The following FRMD4A variants were observed in gnomAD, a reference collection of about 807,000 sequenced individuals.
FRMD4A encodes FERM domain-containing protein 4A.
A neutral mutation model predicts 129.1 loss-of-function variants in FRMD4A; 29 were observed. That is an observed-to-expected ratio of 0.22 (90% CI 0.17 to 0.31). The LOEUF (loss-of-function observed/expected upper bound fraction) is 0.31. Among genes scored for constraint, FRMD4A ranks in the 10% least tolerant of loss-of-function variants. The probability of loss-of-function intolerance (pLI) is 1.00; values close to 1 mark genes in which losing one functional copy is unlikely to be tolerated. For missense variants in FRMD4A, 1,272 were observed against 1,375.8 expected, an observed-to-expected ratio of 0.92 and a Z score of 1.19; for synonymous variants, 634 against 571.6, an observed-to-expected ratio of 1.11 and a Z score of -1.56.
rs146000478 is a variant in FRMD4A at position 13,709,253 on chromosome 10, C to T, written c.760-2140G>A. Among the ~76,000 whole-genome samples, 281 of 152,276 alleles carry T rather than the reference C, an allele frequency of 1.8e-3. 1 individual carries two copies. Among genetic ancestry groups the T allele is most frequent in the Admixed American group, 5.8e-3 (88 of 15,298 alleles). On this transcript the variant is annotated intron_variant, in intron 12 of 24. Transcript: ENST00000357447. The stretch of plus-strand genomic sequence containing the variant: ...TTTTGGGATTACAGGCGTGAGCCAC[C>T]GCACCCAACTCAGGCTCTAAGCTGC...
At position 14,193,230 on chromosome 10, in the gene FRMD4A, G is replaced by A. The variant is rs145503550; in HGVS notation, c.45+136828C>T. Among the ~76,000 whole-genome samples, 361 of 152,236 alleles carry A rather than the reference G, an allele frequency of 2.4e-3. 3 individuals are homozygous for A. The highest frequency in any genetic ancestry group is 8.4e-3 in the African/African-American group (351 of 41,548). On this transcript the variant is annotated intron_variant, in intron 2 of 24. Coordinates refer to ENST00000357447, the MANE Select transcript of FRMD4A (RefSeq NM_018027.5). ...ACTTTACCTTGCTTTCTCCCTGATA[G>A]GTTGCCTCTTAATTAATCAATCCAT...
intron 20 of FRMD4A, 57 bp downstream of exon 20, chr10:13,660,259 G>T: frequency 8.9e-7 from 1 of 1,119,210 alleles, no homozygotes; most frequent in South Asian, 1.3e-5. Context: ...ACGGCCCTTT[G>T]ATTCTTCCAG....
intron 12 of FRMD4A, chr10:13,707,439 C>A (rs992419893): frequency 9.5e-6 from 10 of 1,052,660 alleles, no homozygotes; most frequent in Non-Finnish European, 1.0e-5. Context: ...CTTTTCCCTT[C>A]CAGGAGAGGG....
At chr10:14,271,826 G>A (rs1845172540) in intron 2 of FRMD4A, among the ~76,000 whole-genome samples, 3 of 152,162 alleles carry the variant, frequency 2.0e-5, no homozygotes, top group Admixed American at 1.3e-4. Flanking sequence ...CACGTCATAA[G>A]CACTTAGCTG....
At chr10:13,703,110 C>T (rs2087031321) in intron 13 of FRMD4A, among the ~76,000 whole-genome samples, 1 of 151,744 alleles carries the variant, frequency 6.6e-6, no homozygotes, top group Non-Finnish European at 1.5e-5. Flanking sequence ...TTTTTTTCCC[C>T]CCAGAAAAGC....
intron 12 of FRMD4A, among the ~76,000 whole-genome samples, chr10:13,725,912 C>T (rs1041683155): frequency 8.5e-5 from 13 of 152,200 alleles, no homozygotes; most frequent in Non-Finnish European, 1.0e-4. Flanking sequence ...AATTAGACTA[C>T]ATCTATTCTG....
At chr10:14,243,286 G>A (rs897247738) in intron 2 of FRMD4A, among the ~76,000 whole-genome samples, 3 of 152,136 alleles carry the variant, frequency 2.0e-5, no homozygotes, top group Admixed American at 6.5e-5. Context: ...GATCATGGGG[G>A]CGGTTTCTCC....
intron 2 of FRMD4A, among the ~76,000 whole-genome samples, chr10:14,002,563 T>C (rs1216643554): frequency 6.6e-6 from 1 of 152,170 alleles, no homozygotes; most frequent in Non-Finnish European, 1.5e-5. Flanking sequence ...ATTCATTCTG[T>C]CATCTAGTGG....
At chr10:13,867,734 ATAAC>A (rs2094389216) in intron 2 of FRMD4A, among the ~76,000 whole-genome samples, 1 of 89,180 alleles carries the variant, frequency 1.1e-5, no homozygotes, top group African/African-American at 4.7e-5. Flanking sequence ...TATATAATAA[ATAAC>A]ATATAATATA....
chr10:14,095,631 C>T (rs772755057), intron 2 of FRMD4A, among the ~76,000 whole-genome samples: 1 of 152,256 alleles, frequency 6.6e-6, no homozygotes, highest in Non-Finnish European at 1.5e-5. Flanking sequence ...CTCACTGCAT[C>T]CATTTCTCCA....
intron 2 of FRMD4A, among the ~76,000 whole-genome samples, chr10:14,191,856 T>C (rs1264879788): frequency 3.3e-5 from 5 of 151,332 alleles, no homozygotes; most frequent in Admixed American, 6.6e-5. Context: ...TCATGAGTGA[T>C]TACAACTCTT....
intron 3 of FRMD4A, among the ~76,000 whole-genome samples, chr10:13,836,508 C>T (rs1460823195): frequency 2.6e-5 from 4 of 152,110 alleles, no homozygotes; most frequent in African/African-American, 7.2e-5. Flanking sequence ...AACAGAAATG[C>T]GAAGTGGCTT....
At chr10:13,805,147 T>C (rs2093338012) in intron 4 of FRMD4A, among the ~76,000 whole-genome samples, 1 of 151,338 alleles carries the variant, frequency 6.6e-6, no homozygotes, top group African/African-American at 2.4e-5. Flanking sequence ...TTTTCTTTCT[T>C]TTTTTTTTCT....
chr10:13,676,238 G>A (rs960562395), intron 15 of FRMD4A, among the ~76,000 whole-genome samples: 7 of 151,890 alleles, frequency 4.6e-5, no homozygotes, highest in Non-Finnish European at 8.8e-5. Context: ...TCTACAAAGG[G>A]AAAAGCTGAT....
chr10:14,097,939 C>A (rs2400034), intron 2 of FRMD4A, among the ~76,000 whole-genome samples: 2 of 142,486 alleles, frequency 1.4e-5, no homozygotes, highest in African/African-American at 5.1e-5. Context: ...TTGTATATTA[C>A]ATATATTATA....
At chr10:14,135,045 A>G (rs1318293904) in intron 2 of FRMD4A, among the ~76,000 whole-genome samples, 1 of 152,216 alleles carries the variant, frequency 6.6e-6, no homozygotes, top group Non-Finnish European at 1.5e-5. Flanking sequence ...CTACAATTCT[A>G]TTTCCATAAT....
At chr10:13,690,151 A>C (rs2085545330) in intron 15 of FRMD4A, among the ~76,000 whole-genome samples, 1 of 152,200 alleles carries the variant, frequency 6.6e-6, no homozygotes, top group Admixed American at 6.5e-5. Flanking sequence ...AAGTGTAATA[A>C]GAGTATTAAC....
At chr10:13,745,578 C>A (rs2091249400) in intron 9 of FRMD4A, among the ~76,000 whole-genome samples, 1 of 152,084 alleles carries the variant, frequency 6.6e-6, no homozygotes, top group African/African-American at 2.4e-5. Flanking sequence ...GGCGAGGTGC[C>A]TCTGGGTTAG....
At chr10:14,248,479 C>CG (rs1844324280) in intron 2 of FRMD4A, among the ~76,000 whole-genome samples, 2 of 20,504 alleles carry the variant, frequency 9.8e-5, no homozygotes, top group Admixed American at 1.9e-3. Flanking sequence ...TCATTCAATT[C>CG]ATTTTTTACA....
Sources: gnomAD v4.1 joint callset for allele counts (sites outside exome capture counted in the v4.1 genomes callset) on GRCh38, gnomAD v4.1.1 for gene constraint, MANE v1.5 for transcripts, NCBI Gene and HGNC (gene_info 2026-07-23, HGNC 2026-07-21) for gene names.